Variants in ANO3 observed in about 807,000 individuals in gnomAD.
ANO3 encodes anoctamin-3.
ANO3 carries 99 observed loss-of-function variants against 144.8 expected under a neutral mutation model. The observed-to-expected ratio is 0.68, with a 90% CI of 0.58 to 0.81. The LOEUF (loss-of-function observed/expected upper bound fraction) is 0.81. Among genes scored for constraint, ANO3 ranks in the 30% least tolerant of loss-of-function variants. The pLI, the probability that ANO3 is intolerant of heterozygous loss-of-function variation, is 0.00. For missense variants in ANO3, 905 were observed against 1,202.2 expected (o/e 0.75, Z 3.66); for synonymous variants, 414 against 392.6 (o/e 1.05, Z -0.64).
intron 1 of ANO3, among the ~76,000 whole-genome samples, chr11:26,207,247 T>C (rs1324997419): frequency 6.6e-6 from 1 of 152,122 alleles, no homozygotes; most frequent in East Asian, 1.9e-4. Flanking sequence ...GGAGAAAAAG[T>C]AAATAAATAA....
Position 26,489,486 on chromosome 11 carries a change from GT to G in ANO3, c.433-18617del, listed in dbSNP as rs1414779997. Among the ~76,000 whole-genome samples the G allele has an allele frequency of 8.5e-5, 13 of 152,338 alleles. No individual in the cohort carries two copies. In the East Asian group the frequency reaches 2.5e-3, roughly 29 times the overall value. On this transcript the variant is annotated intron_variant, in intron 4 of 26. Coordinates refer to ENST00000256737, the MANE Select transcript of ANO3 (RefSeq NM_031418.4). ...GTAGTCTCTACTGGGGCACTGCTTA[GT>G]GAAGCTGCGAGAAGAGGGCTGCCAT...
At chr11:26,497,013 CACATATAT>C (rs1860981358) in intron 4 of ANO3, among the ~76,000 whole-genome samples, 2 of 62,862 alleles carry the variant, frequency 3.2e-5, no homozygotes, top group African/African-American at 8.9e-5. Flanking sequence ...CAGACACACA[CACATATAT>C]ACAGACACAC....
chr11:26,208,015 G>A (rs572770106), intron 1 of ANO3: 1 of 152,306 alleles, frequency 6.6e-6, no homozygotes, highest in East Asian at 1.9e-4. Context: ...GAGATTCAGT[G>A]TCTAATAAGG....
At position 26,510,951 on chromosome 11, in the gene ANO3, T is replaced by G. The variant is rs1354747393; in HGVS notation, c.591+2689T>G. Among the ~76,000 whole-genome samples, 5 of 152,204 alleles carry G rather than the reference T, an allele frequency of 3.3e-5. No homozygotes were observed. In the South Asian group the frequency reaches 1.0e-3, roughly 31 times the overall value. On this transcript the variant is annotated intron_variant, in intron 5 of 26. Transcript: ENST00000256737. ...CTCCCAAATGGTGTCTTTGTTTAGG[T>G]TGAATCTCAGCAGGACAGTGTCCAT...
chr11:26,394,556 A>G (rs1856957970), intron 1 of ANO3, among the ~76,000 whole-genome samples: 1 of 147,674 alleles, frequency 6.8e-6, no homozygotes, highest in South Asian at 2.2e-4. Context: ...CATTAAAAAA[A>G]TTGATTTCAT....
chr11:26,287,785 T>C (rs1853842969), intron 1 of ANO3, among the ~76,000 whole-genome samples: 1 of 152,168 alleles, frequency 6.6e-6, no homozygotes, highest in Admixed American at 6.5e-5. Flanking sequence ...AGAAACCACT[T>C]ACTAGGTGTG....
chr11:26,217,759 AAAATTTAAACATTTT>A (rs1288729523), intron 1 of ANO3, among the ~76,000 whole-genome samples: 3 of 152,128 alleles, frequency 2.0e-5, no homozygotes, highest in South Asian at 2.1e-4. Flanking sequence ...TGCTTCTTTT[AAAATTTAAACATTTT>A]AAATTTAAAC....
intron 17 of ANO3, among the ~76,000 whole-genome samples, chr11:26,615,414 A>ATTTT (rs66840659): frequency 1.1e-4 from 14 of 130,664 alleles, no homozygotes; most frequent in Non-Finnish European, 1.6e-4. Context: ...ATATATATAT[A>ATTTT]TTTTTTTTTT....
intron 1 of ANO3, among the ~76,000 whole-genome samples, chr11:26,272,775 A>G (rs961137203): frequency 6.6e-6 from 1 of 152,160 alleles, no homozygotes; most frequent in African/African-American, 2.4e-5. Flanking sequence ...TCCTATTAAG[A>G]TGCACAAAGG....
intron 1 of ANO3, among the ~76,000 whole-genome samples, chr11:26,281,498 C>T (rs978268596): frequency 1.3e-5 from 2 of 152,104 alleles, no homozygotes; most frequent in African/African-American, 4.8e-5. Flanking sequence ...GGGAGAGGTT[C>T]TTCTTCACAC....
intron 4 of ANO3, among the ~76,000 whole-genome samples, chr11:26,476,283 G>A (rs926341124): frequency 1.3e-5 from 2 of 152,054 alleles, no homozygotes; most frequent in African/African-American, 4.8e-5. Flanking sequence ...CTAAGTGGGT[G>A]CAGGGTAGAA....
At chr11:26,240,958 A>G (rs1224021115) in intron 1 of ANO3, among the ~76,000 whole-genome samples, 1 of 152,136 alleles carries the variant, frequency 6.6e-6, no homozygotes, top group African/African-American at 2.4e-5. Flanking sequence ...CCCCACTCAA[A>G]TCTCATCTTG....
At chr11:26,404,789 A>G (rs1164211483) in intron 1 of ANO3, among the ~76,000 whole-genome samples, 3 of 151,800 alleles carry the variant, frequency 2.0e-5, no homozygotes, top group Non-Finnish European at 2.9e-5. Flanking sequence ...TTTACAGAAA[A>G]GGCTTCATAA....
chr11:26,650,376 C>G (rs1450413280), intron 24 of ANO3, among the ~76,000 whole-genome samples: 1 of 152,092 alleles, frequency 6.6e-6, no homozygotes, highest in Admixed American at 6.5e-5. Flanking sequence ...CAGATAGATG[C>G]GTGTTTGAAT....
chr11:26,423,630 C>T (rs1387965747), intron 1 of ANO3, among the ~76,000 whole-genome samples: 1 of 151,862 alleles, frequency 6.6e-6, no homozygotes, highest in African/African-American at 2.4e-5. Context: ...ATGTGCCAAG[C>T]ACAACGTGTT....
chr11:26,512,038 G>A (rs1391982623), intron 5 of ANO3, among the ~76,000 whole-genome samples: 1 of 152,160 alleles, frequency 6.6e-6, no homozygotes, highest in Non-Finnish European at 1.5e-5. Context: ...TTAGTATCAT[G>A]ATCACATTCG....
intron 14 of ANO3, among the ~76,000 whole-genome samples, chr11:26,587,309 G>A (rs1330747800): frequency 4.6e-5 from 7 of 152,100 alleles, no homozygotes; most frequent in Non-Finnish European, 1.0e-4. Flanking sequence ...GTTTAGGGTC[G>A]GCCCCAGCCT....
intron 1 of ANO3, among the ~76,000 whole-genome samples, chr11:26,382,843 C>CA (rs1856624568): frequency 6.6e-6 from 1 of 152,112 alleles, no homozygotes; most frequent in Non-Finnish European, 1.5e-5. Context: ...GGAGAGATGT[C>CA]AAAGAGTTGT....
At chr11:26,582,706 TTTA>T (rs1255623981) in intron 14 of ANO3, among the ~76,000 whole-genome samples, 2 of 152,208 alleles carry the variant, frequency 1.3e-5, no homozygotes, top group African/African-American at 4.8e-5. Flanking sequence ...GTTAGTGACT[TTTA>T]TTTTCTTCTT....
Sources: gnomAD v4.1 joint callset for allele counts (sites outside exome capture counted in the v4.1 genomes callset) on GRCh38, gnomAD v4.1.1 for gene constraint, MANE v1.5 for transcripts, NCBI Gene and HGNC (gene_info 2026-07-23, HGNC 2026-07-21) for gene names.